The following SUSD5 variants were observed in gnomAD, a reference collection of about 807,000 sequenced individuals.
The protein encoded by SUSD5 is sushi domain containing 5.
Under a neutral mutation model 29.5 loss-of-function variants are expected in SUSD5, and 33 were observed. The ratio of observed to expected loss-of-function variants is 1.12; its 90% confidence interval spans 0.85 to 1.49. The LOEUF (loss-of-function observed/expected upper bound fraction) is 1.49. Ranked by LOEUF, SUSD5 falls within the 40% of genes most tolerant of loss-of-function variation. The probability of loss-of-function intolerance (pLI) is 0.00; values close to 1 mark genes in which losing one functional copy is unlikely to be tolerated. For missense variants in SUSD5, 776 were observed against 800.6 expected (o/e 0.97, Z 0.37); for synonymous variants, 308 against 325.3 (o/e 0.95, Z 0.57).
In SUSD5 at chr3:33,207,809, T is replaced by C; in HGVS notation, c.408A>G (p.Glu136=). 1.2e-6 allele frequency: 2 copies of C among 1,608,192 alleles called. No individual in the cohort carries two copies. The highest frequency in any genetic ancestry group is 1.1e-5 in the South Asian group (1 of 90,720). The change falls in exon 3 of 5, where the codon GAA becomes GAG. Residue 136 remains glutamate, a splice_region_variant and synonymous_variant. Coordinates refer to ENST00000309558, the MANE Select transcript of SUSD5 (RefSeq NM_015551.2). ...GTYSALCIKD[E]EKPCGDPPSF... is the part of the protein sequence containing the mutation. ...CTTTAAGAAGACTCTGGCACTGACC[T>C]TCATCCTTAATACAAAGGGCACTGT...
At chr3:33,169,186 TCATGAGTGTATA>T (rs1287563544) in intron 4 of SUSD5, among the ~76,000 whole-genome samples, 7 of 152,200 alleles carry the variant, frequency 4.6e-5, no homozygotes, top group Non-Finnish European at 1.0e-4. Flanking sequence ...AATGGTGGTT[TCATGAGTGTATA>T]CACCTGTGAC....
intron 4 of SUSD5, among the ~76,000 whole-genome samples, chr3:33,154,379 C>T (rs1218290342): frequency 6.6e-6 from 1 of 152,078 alleles, no homozygotes; most frequent in Non-Finnish European, 1.5e-5. Context: ...AAAAAATAGC[C>T]AGGCATGGTG....
intron 4 of SUSD5, among the ~76,000 whole-genome samples, chr3:33,159,419 T>C (rs2031126965): frequency 6.6e-6 from 1 of 152,168 alleles, no homozygotes; most frequent in Non-Finnish European, 1.5e-5. Context: ...CCCTGTCTCT[T>C]ATGCCCACAC....
Position 33,207,894 on chromosome 3 carries a change from T to C in SUSD5, c.323A>G (p.Gln108Arg). Residue 108 changes from glutamine to arginine, a missense_variant, in exon 3 of 5, where the codon CAG becomes CGG. By Grantham distance (43) the Gln-to-Arg change is conservative. Coordinates refer to ENST00000309558, the MANE Select transcript of SUSD5 (RefSeq NM_015551.2). ...CACATCGACAGCTCTCATGATTTGCTGTTCTCCACTTCCTTTGCTACACAC... is the reference window on the plus strand; with the variant it reads ...CACATCGACAGCTCTCATGATTTGCCGTTCTCCACTTCCTTTGCTACACAC... ...TTVCSKGSGE[Q>R]QIMRAVDVRI... 2 of 1,613,980 alleles carry C rather than the reference T, an allele frequency of 1.2e-6. No individual in the cohort carries two copies. Among genetic ancestry groups the C allele is most frequent in the Non-Finnish European group, 1.7e-6 (2 of 1,179,860 alleles).
chr3:33,165,253 A>T (rs1428467865), intron 4 of SUSD5, among the ~76,000 whole-genome samples: 1 of 152,212 alleles, frequency 6.6e-6, no homozygotes, highest in African/African-American at 2.4e-5. Context: ...GGGCAAAGGA[A>T]GCCATACACA....
At chr3:33,166,698 A>G (rs2031312095) in intron 4 of SUSD5, among the ~76,000 whole-genome samples, 1 of 152,230 alleles carries the variant, frequency 6.6e-6, no homozygotes, top group Non-Finnish European at 1.5e-5. Flanking sequence ...GAATAAATAA[A>G]TAAATAAATT....
At chr3:33,198,635 G>T (rs1033973964) in intron 3 of SUSD5, among the ~76,000 whole-genome samples, 1 of 152,164 alleles carries the variant, frequency 6.6e-6, no homozygotes, top group Non-Finnish European at 1.5e-5. Context: ...TGTATATCCA[G>T]CTCTTATCCC....
At chr3:33,191,135 G>GTT (rs202230084) in intron 3 of SUSD5, among the ~76,000 whole-genome samples, 1 of 143,568 alleles carries the variant, frequency 7.0e-6, no homozygotes, top group Admixed American at 7.0e-5. Context: ...AGTATACTTT[G>GTT]TTTTTTTTTT....
At chr3:33,162,367 A>T (rs556478951) in intron 4 of SUSD5, among the ~76,000 whole-genome samples, 2 of 152,350 alleles carry the variant, frequency 1.3e-5, no homozygotes, top group Admixed American at 6.5e-5. Context: ...GAAAAATCAC[A>T]TTGATTTCCC....
At position 33,150,839 on chromosome 3, in the gene SUSD5, A is replaced by ATTTCCT. The variant is rs1234137658; in HGVS notation, c.*1902_*1903insAGGAAA. On this transcript the variant is annotated 3_prime_UTR_variant, in exon 5 of 5. Coordinates refer to ENST00000309558, the MANE Select transcript of SUSD5 (RefSeq NM_015551.2). ...TTTTTCAATCATAAAAAAGATCAGGATTTCCCTCTACCACACAAAAACACT... is the reference window on the plus strand; with the variant it reads ...TTTTTCAATCATAAAAAAGATCAGGATTTCCTTTTCCCTCTACCACACAAAAACACT... The ATTTCCT allele has an allele frequency of 6.6e-6, 1 of 152,188 alleles. No homozygotes were observed. The highest frequency in any genetic ancestry group is 1.5e-5 in the Non-Finnish European group (1 of 68,032). 9.4% of individuals were successfully genotyped at this position (152,188 alleles called of 1,614,324 possible).
At chr3:33,165,415 T>C (rs1436426032) in intron 4 of SUSD5, among the ~76,000 whole-genome samples, 1 of 152,226 alleles carries the variant, frequency 6.6e-6, no homozygotes, top group Non-Finnish European at 1.5e-5. Context: ...GGTGGTCTGC[T>C]TCTTGACCTG....
chr3:33,153,724 T>G lies in SUSD5; in HGVS notation c.908A>C (p.Lys303Thr), dbSNP rs751732217. ...ATCCACCTCCTTTTCCAACCCAGGC[T>G]TGTGGAAAGCCTCAGCAGGAAACCA... ...LFWFPAEAFH[K>T]PGLEKEVDDD... Residue 303 changes from lysine to threonine, a missense_variant, in exon 5 of 5, where the codon AAG becomes ACG. By Grantham distance (78) the Lys-to-Thr change is moderately conservative (BLOSUM62 -1). Transcript: ENST00000309558. 2 of 1,614,038 alleles carry G rather than the reference T, an allele frequency of 1.2e-6. No individual in the cohort carries two copies. The highest frequency in any genetic ancestry group is 1.3e-5 in the African/African-American group (1 of 75,056).
chr3:33,193,486 T>A (rs2031938098), intron 3 of SUSD5, among the ~76,000 whole-genome samples: 1 of 152,038 alleles, frequency 6.6e-6, no homozygotes, highest in South Asian at 2.1e-4. Flanking sequence ...CTGAGGGATA[T>A]GAGTATAAGT....
chr3:33,181,484 C>G (rs1346162120), intron 3 of SUSD5, among the ~76,000 whole-genome samples: 1 of 151,610 alleles, frequency 6.6e-6, no homozygotes, highest in Non-Finnish European at 1.5e-5. Context: ...CTTGGACTCT[C>G]AAGCAATCCT....
chr3:33,202,785 T>A (rs1343890107), intron 3 of SUSD5, among the ~76,000 whole-genome samples: 1 of 152,194 alleles, frequency 6.6e-6, no homozygotes, highest in Non-Finnish European at 1.5e-5. Flanking sequence ...AAATTCACTG[T>A]CAGTGAAACA....
intron 4 of SUSD5, among the ~76,000 whole-genome samples, chr3:33,172,698 T>C (rs948725100): frequency 2.6e-5 from 4 of 152,256 alleles, no homozygotes; most frequent in Non-Finnish European, 4.4e-5. Context: ...GTCTGTAACT[T>C]GTTATTAGGT....
chr3:33,194,237 A>G (rs914207131), intron 3 of SUSD5, among the ~76,000 whole-genome samples: 1 of 152,254 alleles, frequency 6.6e-6, no homozygotes, highest in East Asian at 1.9e-4. Flanking sequence ...CCTACCCATC[A>G]AATTATCTTT....
chr3:33,202,206 C>T (rs1273602608), intron 3 of SUSD5, among the ~76,000 whole-genome samples: 2 of 152,190 alleles, frequency 1.3e-5, no homozygotes, highest in South Asian at 2.1e-4. Flanking sequence ...GAGGCTTTCA[C>T]ACTTCCCTGG....
At chr3:33,188,460 G>A (rs531606779) in intron 3 of SUSD5, among the ~76,000 whole-genome samples, 32 of 152,242 alleles carry the variant, frequency 2.1e-4, no homozygotes, top group African/African-American at 7.7e-4. Flanking sequence ...TACATCAGTG[G>A]TTCTCAAAGA....
Sources: allele counts gnomAD v4.1 joint callset (sites outside exome capture counted in the v4.1 genomes callset), GRCh38; gene constraint gnomAD v4.1.1; transcripts MANE v1.5; gene names NCBI Gene and HGNC (gene_info 2026-07-23, HGNC 2026-07-21).